Variants in GRM8 observed in about 807,000 individuals in gnomAD.
GRM8 encodes the protein glutamate metabotropic receptor 8.
GRM8 carries 47 observed loss-of-function variants against 87.2 expected under a neutral mutation model. The ratio of observed to expected loss-of-function variants is 0.54; its 90% CI spans 0.43 to 0.69. GRM8 has a LOEUF of 0.69. GRM8 is among the 30% of genes least tolerant of loss of function. The probability of loss-of-function intolerance (pLI) is 0.00; values close to 1 mark genes in which losing one functional copy is unlikely to be tolerated. For missense variants in GRM8, 1,019 were observed against 1,139.2 expected, an observed-to-expected ratio of 0.89 and a Z score of 1.52; for synonymous variants, 396 against 404.5, an observed-to-expected ratio of 0.98 and a Z score of 0.25.
intron 7 of GRM8, among the ~76,000 whole-genome samples, chr7:126,633,438 T>A (rs1421054859): frequency 6.6e-6 from 1 of 152,162 alleles, no homozygotes; most frequent in Non-Finnish European, 1.5e-5. Flanking sequence ...AGCGCTAGCA[T>A]CAATGCTCCT....
intron 6 of GRM8, among the ~76,000 whole-genome samples, chr7:126,891,367 A>C (rs1800986962): frequency 1.3e-5 from 2 of 151,934 alleles, no homozygotes; most frequent in Non-Finnish European, 2.9e-5. Context: ...TCACCAATAC[A>C]TTATCCATAC....
At chr7:126,607,709 T>C (rs1401658440) in intron 8 of GRM8, among the ~76,000 whole-genome samples, 2 of 152,120 alleles carry the variant, frequency 1.3e-5, no homozygotes, top group Non-Finnish European at 2.9e-5. Flanking sequence ...TTTATTATTA[T>C]TATTATACTT....
intron 2 of GRM8, among the ~76,000 whole-genome samples, chr7:127,109,826 T>C (rs1587043741): frequency 6.6e-6 from 1 of 152,250 alleles, no homozygotes; most frequent in East Asian, 1.9e-4. Context: ...CACCACCTCC[T>C]CCCTTGCATT....
chr7:126,539,513 A>G (rs908166186), intron 8 of GRM8, among the ~76,000 whole-genome samples: 2 of 152,048 alleles, frequency 1.3e-5, no homozygotes, highest in African/African-American at 2.4e-5. Flanking sequence ...ATAAAGATGG[A>G]GTATTCACAT....
intron 3 of GRM8, among the ~76,000 whole-genome samples, chr7:126,966,196 A>G (rs1809843330): frequency 6.6e-6 from 1 of 152,020 alleles, no homozygotes; most frequent in Admixed American, 6.5e-5. Context: ...ATGCAGTGGC[A>G]TGATCTTGGT....
intron 2 of GRM8, among the ~76,000 whole-genome samples, chr7:127,214,599 A>G (rs17862325): frequency 0.21 from 32,012 of 152,154 alleles, 3,688 homozygotes; most frequent in Middle Eastern, 0.26. Flanking sequence ...CACGTCTTAC[A>G]TGGCGGCAGG....
At chr7:126,886,068 T>G (rs1300381425) in intron 6 of GRM8, among the ~76,000 whole-genome samples, 1 of 152,124 alleles carries the variant, frequency 6.6e-6, no homozygotes, top group Admixed American at 6.6e-5. Flanking sequence ...TACAATGACG[T>G]TCAGCTTAAG....
chr7:126,510,857 T>C (rs1185514770), intron 9 of GRM8, among the ~76,000 whole-genome samples: 1 of 152,122 alleles, frequency 6.6e-6, no homozygotes, highest in East Asian at 1.9e-4. Flanking sequence ...ATTTGTGAAA[T>C]ATTTTGACCA....
chr7:126,874,779 G>A (rs1329595178), intron 6 of GRM8, among the ~76,000 whole-genome samples: 1 of 152,052 alleles, frequency 6.6e-6, no homozygotes, highest in Non-Finnish European at 1.5e-5. Flanking sequence ...TCCTATGAAT[G>A]CAAATTACAT....
intron 6 of GRM8, among the ~76,000 whole-genome samples, chr7:126,850,651 C>T (rs895903638): frequency 1.3e-5 from 2 of 152,130 alleles, no homozygotes; most frequent in Admixed American, 6.5e-5. Context: ...TAAATCTTAT[C>T]TATAGAGAAG....
At chr7:126,675,580 G>A (rs538167745) in intron 7 of GRM8, among the ~76,000 whole-genome samples, 3 of 152,286 alleles carry the variant, frequency 2.0e-5, no homozygotes, top group Admixed American at 2.0e-4. Context: ...TGCAGGGATG[G>A]TTCAACAAAC....
intron 7 of GRM8, among the ~76,000 whole-genome samples, chr7:126,679,710 T>C (rs1310737924): frequency 1.3e-5 from 2 of 152,164 alleles, no homozygotes; most frequent in Non-Finnish European, 2.9e-5. Flanking sequence ...GCAAGGGCTA[T>C]TTTTCTCAGA....
At chr7:126,571,659 T>A (rs1346016567) in intron 8 of GRM8, among the ~76,000 whole-genome samples, 3 of 152,114 alleles carry the variant, frequency 2.0e-5, no homozygotes, top group Non-Finnish European at 4.4e-5. Context: ...TGGGCTGCCT[T>A]CCCCTTCAGA....
intron 3 of GRM8, among the ~76,000 whole-genome samples, chr7:127,057,768 T>C (rs776947953): frequency 6.6e-5 from 10 of 152,062 alleles, no homozygotes; most frequent in Admixed American, 1.3e-4. Context: ...CTAAATCTCA[T>C]TGTGAAATTA....
chr7:126,466,765 G>A (rs943513848), intron 9 of GRM8, among the ~76,000 whole-genome samples: 1 of 151,834 alleles, frequency 6.6e-6, no homozygotes, highest in African/African-American at 2.4e-5. Flanking sequence ...TGGATTGGAT[G>A]ATGCCCACCC....
intron 6 of GRM8, among the ~76,000 whole-genome samples, chr7:126,871,577 T>A (rs1020633571): frequency 6.6e-6 from 1 of 152,176 alleles, no homozygotes; most frequent in Admixed American, 6.5e-5. Flanking sequence ...GCCAGTCATT[T>A]TATAGTAAGC....
Position 126,701,037 on chromosome 7 carries a change from G to GTA in GRM8, c.1357+68826_1357+68827dup, listed in dbSNP as rs1192869141. Among the ~76,000 whole-genome samples, 110 of 150,180 alleles carry GTA rather than the reference G, an allele frequency of 7.3e-4. 1 individual carries two copies. The highest frequency in any genetic ancestry group is 4.0e-3 in the Admixed American group (60 of 15,046). ...TTCTTCCTTCCTTCTTTTAATAAATGTATATATATATGTGTGTATATATAT... is the reference window on the plus strand; with the variant it reads ...TTCTTCCTTCCTTCTTTTAATAAATGTATATATATATATGTGTGTATATATAT... On this transcript the variant is annotated intron_variant, in intron 7 of 10. Coordinates refer to ENST00000339582, the MANE Select transcript of GRM8 (RefSeq NM_000845.3).
intron 8 of GRM8, among the ~76,000 whole-genome samples, chr7:126,564,533 TAAGA>T: frequency 6.6e-6 from 1 of 152,288 alleles, no homozygotes; most frequent in South Asian, 2.1e-4. Flanking sequence ...ACTGAATCAT[TAAGA>T]AATATGAAGT....
At chr7:126,762,800 T>A (rs10233562) in intron 7 of GRM8, among the ~76,000 whole-genome samples, 7,391 of 151,920 alleles carry the variant, frequency 0.049, 617 homozygotes, top group African/African-American at 0.17. Context: ...TTTCTTAGAA[T>A]ACCTTTCTAG....
Sources: gnomAD v4.1 joint callset for allele counts (sites outside exome capture counted in the v4.1 genomes callset) on GRCh38, gnomAD v4.1.1 for gene constraint, MANE v1.5 for transcripts, NCBI Gene and HGNC (gene_info 2026-07-23, HGNC 2026-07-21) for gene names.